The following ANAPC1 variants were observed in gnomAD, a reference collection of about 807,000 sequenced individuals.
ANAPC1 encodes the protein anaphase promoting complex subunit 1.
In ANAPC1, 36 loss-of-function variants were observed where a neutral mutation model predicts 208.0. That is an observed-to-expected ratio of 0.17 (90% CI 0.13 to 0.23). The LOEUF is 0.23. Ranked by LOEUF, ANAPC1 falls within the 10% of genes least tolerant of loss-of-function variation. The pLI is 1.00. For synonymous variants in ANAPC1, 378 were observed against 695.2 expected, an observed-to-expected ratio of 0.54 and a Z score of 7.18; for missense variants, 942 against 2,011.6, an observed-to-expected ratio of 0.47 and a Z score of 10.17.
chr2:111,866,897 T>G (rs1682454929), intron 7 of ANAPC1, among the ~76,000 whole-genome samples: 1 of 152,072 alleles, frequency 6.6e-6, no homozygotes, highest in Admixed American at 6.5e-5. Context: ...AAATTTGAAC[T>G]TTTTCTGTAA....
chr2:111,880,244 T>A (rs1449222652), intron 2 of ANAPC1, among the ~76,000 whole-genome samples: 11 of 151,862 alleles, frequency 7.2e-5, no homozygotes, highest in Non-Finnish European at 1.5e-5. Context: ...TGGTGGTGCA[T>A]GCCTGTAATC....
intron 3 of ANAPC1, among the ~76,000 whole-genome samples, chr2:111,876,830 CTT>C (rs1373348126): frequency 6.9e-6 from 1 of 144,688 alleles, no homozygotes; most frequent in East Asian, 2.0e-4. Context: ...AAAAATGAAA[CTT>C]AACATTAGTC....
rs2104429176 is a variant in ANAPC1 at position 111,821,236 on chromosome 2, C to A, written c.3206+3G>T. Reference sequence around the variant, plus strand: ...AAGAGATAGTGCACGTGTTTTCTTTCACCTGTTTTCCTTTTCCTCGATGAA... The same window carrying A: ...AAGAGATAGTGCACGTGTTTTCTTTAACCTGTTTTCCTTTTCCTCGATGAA... On this transcript the variant is annotated splice_donor_region_variant and intron_variant, in intron 26 of 47. Coordinates refer to ENST00000341068, the MANE Select transcript of ANAPC1 (RefSeq NM_022662.4). 1 of 1,606,242 alleles carries A rather than the reference C, an allele frequency of 6.2e-7. No homozygotes were observed.
Position 111,854,660 on chromosome 2 carries a change from G to A in ANAPC1, c.1515+1954C>T, listed in dbSNP as rs150548945. Among the ~76,000 whole-genome samples, 804 of 152,274 alleles carry A rather than the reference G, an allele frequency of 5.3e-3. 6 individuals are homozygous for A. Among genetic ancestry groups the A allele is most frequent in the African/African-American group, 0.017 (704 of 41,550 alleles). On this transcript the variant is annotated intron_variant, in intron 13 of 47. Coordinates refer to ENST00000341068, the MANE Select transcript of ANAPC1 (RefSeq NM_022662.4). ...CTTGCACTTCTGTGTTATGGGGAGG[G>A]CTTTTTTCCTTAAACCTCAAGAATC...
At chr2:111,839,026 C>T (rs375595123) in intron 17 of ANAPC1, among the ~76,000 whole-genome samples, 36 of 152,314 alleles carry the variant, frequency 2.4e-4, no homozygotes, top group African/African-American at 8.4e-4. Context: ...TACATACATA[C>T]GTCTGCCTCC....
chr2:111,858,234 AG>A, intron 11 of ANAPC1, 71 bp downstream of exon 11: 1 of 1,172,452 alleles, frequency 8.5e-7, no homozygotes, highest in Non-Finnish European at 1.2e-6. Context: ...CAAAAAAAAA[AG>A]GAAAGAAAAG....
intron 46 of ANAPC1, among the ~76,000 whole-genome samples, chr2:111,774,948 A>G (rs1302034177): frequency 6.6e-6 from 1 of 151,702 alleles, no homozygotes; most frequent in East Asian, 1.9e-4. Context: ...CCAAAATTAT[A>G]ATTTGAGGAG....
At chr2:111,770,886 T>A (rs1676699619) in intron 47 of ANAPC1, among the ~76,000 whole-genome samples, 1 of 151,776 alleles carries the variant, frequency 6.6e-6, no homozygotes, top group Non-Finnish European at 1.5e-5. Flanking sequence ...GAATCACACA[T>A]AAGTCTGTTT....
chr2:111,818,898 C>T lies in ANAPC1; in HGVS notation c.3267G>A (p.Leu1089=). 6.3e-7 allele frequency: 1 copy of T among 1,594,920 alleles called. No homozygotes were observed. Residue 1089 remains leucine, a synonymous_variant, in exon 27 of 48, where the codon TTG becomes TTA. Transcript: ENST00000341068. ...ALPVGRGMFT[L]FSYHPVPTEP... Reference sequence around the variant, plus strand: ...CTGTTGGAACAGGATGGTACGAAAACAAGGTAAACATTCCTCGTCCTACAG... The same window carrying T: ...CTGTTGGAACAGGATGGTACGAAAATAAGGTAAACATTCCTCGTCCTACAG...
chr2:111,869,832 T>C (rs1682644630), intron 6 of ANAPC1, among the ~76,000 whole-genome samples: 1 of 152,200 alleles, frequency 6.6e-6, no homozygotes, highest in South Asian at 2.1e-4. Context: ...GTATGTTGTA[T>C]GCAATATGTA....
chr2:111,878,397 C>A (rs1388853732), intron 3 of ANAPC1, among the ~76,000 whole-genome samples: 1 of 152,208 alleles, frequency 6.6e-6, no homozygotes, highest in Non-Finnish European at 1.5e-5. Flanking sequence ...CAGCCAACTG[C>A]AATGGCTGCA....
chr2:111,880,562 T>C (rs1161367507), intron 2 of ANAPC1, 51 bp downstream of exon 2: 12 of 1,527,036 alleles, frequency 7.9e-6, no homozygotes, highest in Non-Finnish European at 1.1e-5. Flanking sequence ...AAATTACAAG[T>C]AGATTATATC....
At chr2:111,850,542 A>G (rs1681334977) in intron 14 of ANAPC1, among the ~76,000 whole-genome samples, 1 of 151,078 alleles carries the variant, frequency 6.6e-6, no homozygotes. Context: ...ACTCCACACA[A>G]TTGTGAGATC....
Position 111,880,821 on chromosome 2 carries a change from G to GACATGGGTTCCAAATATCA in ANAPC1, c.-15_4dup (p.Ser2LeufsTer11), listed in dbSNP as rs1683262143. 6.2e-7 allele frequency: 1 copy of GACATGGGTTCCAAATATCA among 1,613,550 alleles called. No homozygotes were observed. The highest frequency in any genetic ancestry group is 1.7e-5 in the Admixed American group (1 of 59,960). ...CGTTGTCCTTTCTTCATAGAAGTTC[G>GACATGGGTTCCAAATATCA]ACATGGGTTCCAAATATCAACATTA... On this transcript the variant is annotated frameshift_variant, in exon 2 of 48. Transcript: ENST00000341068. LOFTEE classifies it high-confidence loss of function.
chr2:111,826,665 A>C (rs56307072), intron 21 of ANAPC1, among the ~76,000 whole-genome samples: 1 of 139,276 alleles, frequency 7.2e-6, no homozygotes, highest in Non-Finnish European at 1.5e-5. Flanking sequence ...TTATTTATTT[A>C]TTTTTTTTTT....
At chr2:111,774,792 G>A (rs1244546598) in intron 46 of ANAPC1, among the ~76,000 whole-genome samples, 1 of 98,726 alleles carries the variant, frequency 1.0e-5, no homozygotes, top group Non-Finnish European at 2.0e-5. Flanking sequence ...GCAAAAATAG[G>A]AGAATGCTGG....
At chr2:111,804,506 CT>C (rs1183612859) in intron 30 of ANAPC1, among the ~76,000 whole-genome samples, 7 of 77,970 alleles carry the variant, frequency 9.0e-5, no homozygotes, top group East Asian at 7.0e-4. Flanking sequence ...TGATTCTTTT[CT>C]TTTTTTTTTT....
chr2:111,831,492 T>G, intron 20 of ANAPC1, 58 bp from the exon 21 acceptor site: 3 of 1,332,940 alleles, frequency 2.3e-6, no homozygotes, highest in Non-Finnish European at 3.2e-6. Flanking sequence ...CAACATTATT[T>G]TATTTTAAAC....
At chr2:111,846,861 TGCCC>T (rs2104509584) in intron 16 of ANAPC1, among the ~76,000 whole-genome samples, 1 of 150,904 alleles carries the variant, frequency 6.6e-6, no homozygotes, top group Admixed American at 6.6e-5. Context: ...TGAGCCACCA[TGCCC>T]AGCAGGCATG....
Sources: gnomAD v4.1 joint callset for allele counts (sites outside exome capture counted in the v4.1 genomes callset) on GRCh38, gnomAD v4.1.1 for gene constraint, MANE v1.5 for transcripts, NCBI Gene and HGNC (gene_info 2026-07-23, HGNC 2026-07-21) for gene names.